The following CELF2 variants were observed in gnomAD, a reference collection of about 807,000 sequenced individuals.
The protein encoded by CELF2 is CUGBP Elav-like family member 2.
CELF2 carries 8 observed loss-of-function variants against 62.6 expected under a neutral mutation model. The ratio of observed to expected loss-of-function variants is 0.13; its 90% CI spans 0.07 to 0.23. The LOEUF is 0.23. Ranked by LOEUF, CELF2 falls within the 10% of genes least tolerant of loss-of-function variation. The pLI is 1.00. For missense variants in CELF2, 333 were observed against 671.0 expected, an observed-to-expected ratio of 0.50 and a Z score of 5.56; for synonymous variants, 258 against 250.0, an observed-to-expected ratio of 1.03 and a Z score of -0.30.
chr10:10,471,260 C>G, the CELF2 span, among the ~76,000 whole-genome samples: 2 of 151,522 alleles, frequency 1.3e-5, no homozygotes, highest in East Asian at 3.9e-4. Context: ...TGGTACTGTC[C>G]TTATGATCCA....
intron 1 of CELF2, among the ~76,000 whole-genome samples, chr10:10,902,054 G>A (rs1352231209): frequency 1.3e-5 from 2 of 152,136 alleles, no homozygotes; most frequent in African/African-American, 2.4e-5. Flanking sequence ...TTTTTGAATG[G>A]CTAAAATTAA....
intron 2 of CELF2, among the ~76,000 whole-genome samples, chr10:11,215,954 A>G (rs2063259526): frequency 6.6e-6 from 1 of 152,230 alleles, no homozygotes; most frequent in Non-Finnish European, 1.5e-5. Flanking sequence ...ACCATCAAGA[A>G]GCAGAGCCAA....
chr10:11,191,715 C>T lies in CELF2; in HGVS notation c.272-25710C>T, dbSNP rs1429749832. On this transcript the variant is annotated intron_variant, in intron 2 of 12. Transcript: ENST00000633077. The surrounding 1 kb of genome is among the most constrained non-coding windows in gnomAD (Gnocchi z 4.1). ...TATTCCCAGTCGGCAGACTGGACTTCTTCATAAGTGAAAAATAGTTACATA... is the reference window on the plus strand; with the variant it reads ...TATTCCCAGTCGGCAGACTGGACTTTTTCATAAGTGAAAAATAGTTACATA... Among the ~76,000 whole-genome samples, 1 of 152,170 alleles carries T rather than the reference C, an allele frequency of 6.6e-6. No homozygotes were observed. Among genetic ancestry groups the T allele is most frequent in the Non-Finnish European group, 1.5e-5 (1 of 68,028 alleles).
intron 1 of CELF2, among the ~76,000 whole-genome samples, chr10:11,101,242 C>G (rs926183780): frequency 6.6e-6 from 1 of 151,922 alleles, no homozygotes; most frequent in Non-Finnish European, 1.5e-5. Context: ...TTGAGGCTTC[C>G]GATATGTGGG....
intron 2 of CELF2, chr10:10,960,236 C>T (rs1422953610): frequency 6.6e-6 from 1 of 152,244 alleles, no homozygotes; most frequent in Non-Finnish European, 1.5e-5. Flanking sequence ...GTGCTTCTCT[C>T]CTCATTGCAA....
chr10:10,686,843 CACT>C, the CELF2 span, among the ~76,000 whole-genome samples: 1 of 152,152 alleles, frequency 6.6e-6, no homozygotes, highest in East Asian at 1.9e-4. Flanking sequence ...GTCAGATTTG[CACT>C]ACAAAAGGCT....
the CELF2 span, among the ~76,000 whole-genome samples, chr10:10,665,397 T>A: frequency 2.6e-5 from 4 of 152,188 alleles, no homozygotes; most frequent in African/African-American, 9.7e-5. Context: ...AAGTAATGTA[T>A]CCATAAATAT....
chr10:10,579,115 GA>G, the CELF2 span, among the ~76,000 whole-genome samples: 21 of 151,830 alleles, frequency 1.4e-4, no homozygotes, highest in African/African-American at 5.1e-4. Context: ...AATGATTGAA[GA>G]AAAAAGGGTA....
At chr10:10,712,996 C>T in the CELF2 span, among the ~76,000 whole-genome samples, 3 of 152,348 alleles carry the variant, frequency 2.0e-5, no homozygotes, top group South Asian at 4.1e-4. Flanking sequence ...GCCTCCAAAA[C>T]CTGGCCCTTA....
chr10:10,677,625 T>C, the CELF2 span, among the ~76,000 whole-genome samples: 1 of 152,198 alleles, frequency 6.6e-6, no homozygotes, highest in Non-Finnish European at 1.5e-5. Context: ...AGATCCTCCA[T>C]TAGTGTAGCC....
At chr10:11,103,504 T>TTTTTTTTTTTTTTTTTTTTTTC (rs2052456360) in intron 1 of CELF2, among the ~76,000 whole-genome samples, 1 of 150,978 alleles carries the variant, frequency 6.6e-6, no homozygotes, top group Non-Finnish European at 1.5e-5. Context: ...TTTTTTTTTT[T>TTTTTTTTTTTTTTTTTTTTTTC]TTTACTGTGA....
At chr10:11,216,669 C>T (rs1213680896) in intron 2 of CELF2, among the ~76,000 whole-genome samples, 1 of 152,138 alleles carries the variant, frequency 6.6e-6, no homozygotes, top group Non-Finnish European at 1.5e-5. Flanking sequence ...AGGAGGTTGG[C>T]TGGAAAAAGG....
the CELF2 span, among the ~76,000 whole-genome samples, chr10:10,664,919 G>C: frequency 6.6e-6 from 1 of 152,322 alleles, no homozygotes; most frequent in Admixed American, 6.5e-5. Flanking sequence ...AATTATCATT[G>C]CAACTAATCA....
In CELF2 at chr10:10,835,510, G is replaced by A. The variant is rs141388100; in HGVS notation, c.53+36693G>A. On this transcript the variant is annotated intron_variant, in intron 1 of 13. Coordinates refer to the CELF2 transcript ENST00000636488. ...CGATTCTCCTGCCTCAGCCTCCTCA[G>A]TAGCTGGGGCTACAGATGCCCGAAA... Among the ~76,000 whole-genome samples, 20 of 152,064 alleles carry A rather than the reference G, an allele frequency of 1.3e-4. No individual in the cohort carries two copies. In the East Asian group the frequency reaches 3.5e-3, roughly 27 times the overall value.
intron 8 of CELF2, among the ~76,000 whole-genome samples, chr10:11,287,722 TC>T (rs1451830410): frequency 1.3e-5 from 2 of 152,238 alleles, no homozygotes; most frequent in Non-Finnish European, 2.9e-5. Flanking sequence ...AGAGAGAAGT[TC>T]AATGGCAATA....
At chr10:10,526,860 C>G in the CELF2 span, among the ~76,000 whole-genome samples, 2 of 152,206 alleles carry the variant, frequency 1.3e-5, no homozygotes, top group African/African-American at 4.8e-5. Flanking sequence ...ACAGGCTGAA[C>G]AACCACTCAG....
the CELF2 span, among the ~76,000 whole-genome samples, chr10:10,689,822 C>T: frequency 4.6e-5 from 7 of 152,170 alleles, no homozygotes; most frequent in Non-Finnish European, 8.8e-5. Context: ...GAAATATGTA[C>T]GTGTGAACAA....
At chr10:10,477,138 T>A in the CELF2 span, among the ~76,000 whole-genome samples, 1 of 152,206 alleles carries the variant, frequency 6.6e-6, no homozygotes, top group Non-Finnish European at 1.5e-5. Context: ...TTCTTCAAAA[T>A]GGACAAATAT....
chr10:10,581,996 C>A, the CELF2 span, among the ~76,000 whole-genome samples: 3 of 152,062 alleles, frequency 2.0e-5, no homozygotes, highest in African/African-American at 7.2e-5. Flanking sequence ...CCACTGCACT[C>A]CAGTCTGGGC....
Sources: gnomAD v4.1 joint callset for allele counts (sites outside exome capture counted in the v4.1 genomes callset) on GRCh38, gnomAD v4.1.1 for gene constraint, Gnocchi (gnomAD v3.1) non-coding constraint, MANE v1.5 for transcripts, NCBI Gene and HGNC (gene_info 2026-07-23, HGNC 2026-07-21) for gene names.